PSD4: variants seen among roughly 807,000 people sequenced by gnomAD.
PSD4 encodes the protein PH and SEC7 domain-containing protein 4.
In PSD4, 59 loss-of-function variants were observed where a neutral mutation model predicts 112.5. The ratio of observed to expected loss-of-function variants is 0.52; its 90% CI spans 0.43 to 0.65. The LOEUF (loss-of-function observed/expected upper bound fraction) is 0.65. Among genes scored for constraint, PSD4 ranks in the 30% least tolerant of loss-of-function variants. The probability of loss-of-function intolerance (pLI) is 0.00; values close to 1 mark genes in which losing one functional copy is unlikely to be tolerated. For missense variants in PSD4, 1,267 were observed against 1,352.6 expected, an observed-to-expected ratio of 0.94 and a Z score of 0.99; for synonymous variants, 533 against 540.0, an observed-to-expected ratio of 0.99 and a Z score of 0.18.
At chr2:113,197,103 G>A (rs151285545) in intron 12 of PSD4, 49 of 224,258 alleles carry the variant, frequency 2.2e-4, no homozygotes, top group African/African-American at 9.7e-4. Context: ...AAGAGGGCAG[G>A]TGGTGCTCAG....
intron 1 of PSD4, among the ~76,000 whole-genome samples, chr2:113,179,100 C>T (rs1237889368): frequency 6.6e-6 from 1 of 152,196 alleles, no homozygotes; most frequent in Non-Finnish European, 1.5e-5. Flanking sequence ...CCTCCTTGCT[C>T]ACACTCGGTT....
At chr2:113,175,799 AT>A (rs1332811069) in intron 1 of PSD4, among the ~76,000 whole-genome samples, 2 of 152,298 alleles carry the variant, frequency 1.3e-5, no homozygotes, top group East Asian at 3.9e-4. Flanking sequence ...GTTTTTGTTA[AT>A]TTTGGCTTCT....
intron 1 of PSD4, among the ~76,000 whole-genome samples, chr2:113,176,729 C>T (rs1018477767): frequency 6.6e-6 from 1 of 152,224 alleles, no homozygotes; most frequent in Admixed American, 6.5e-5. Flanking sequence ...TTTTGCTAAA[C>T]ACCAGGGGTG....
intron 5 of PSD4, among the ~76,000 whole-genome samples, chr2:113,189,351 G>GTATATATATATATATATATATATATA (rs35251391): frequency 1.4e-4 from 20 of 146,118 alleles, no homozygotes; most frequent in African/African-American, 4.6e-4. Context: ...ATATATAATA[G>GTATATATATATATATATATATATATA]TATATATATA....
rs1287758001 is a variant in PSD4 at position 113,208,035 on chromosome 2, GCAC to G, written c.*6627_*6629del. The G allele has an allele frequency of 6.6e-6, 1 of 152,170 alleles. No individual in the cohort carries two copies. Among genetic ancestry groups the G allele is most frequent in the Non-Finnish European group, 1.5e-5 (1 of 68,072 alleles). 9.4% of individuals were successfully genotyped at this position (152,170 alleles called of 1,614,324 possible). The stretch of plus-strand genomic sequence containing the variant: ...CCTGAGTAGCTGGGATTACAGGCAT[GCAC>G]CACCACACCCAGCTAATCTTTGTAT... On this transcript the variant is annotated 3_prime_UTR_variant, in exon 17 of 17. Coordinates refer to ENST00000245796, the MANE Select transcript of PSD4 (RefSeq NM_012455.3).
rs766750975 is a variant in PSD4, at chr2:113,182,922, T to C, written c.466T>C (p.Phe156Leu). 16 of 1,614,200 alleles carry C rather than the reference T, an allele frequency of 9.9e-6. No individual in the cohort carries two copies. Among genetic ancestry groups the C allele is most frequent in the Non-Finnish European group, 1.4e-5 (16 of 1,180,036 alleles). Residue 156 changes from phenylalanine to leucine, a missense_variant, in exon 2 of 17, where the codon TTC becomes CTC. By Grantham distance (22) the Phe-to-Leu change is conservative. Coordinates refer to ENST00000245796, the MANE Select transcript of PSD4 (RefSeq NM_012455.3). The stretch of plus-strand genomic sequence containing the variant: ...CCGGAGCACGTCCACACAGGTAGTG[T>C]TCTGGGCAGGCATCCTGCAGGCCCA... ...QNRSTSTQVV[F>L]WAGILQAQMC...
chr2:113,175,907 A>G (rs1687961656), intron 1 of PSD4, among the ~76,000 whole-genome samples: 1 of 152,200 alleles, frequency 6.6e-6, no homozygotes, highest in African/African-American at 2.4e-5. Context: ...ACCCATTCCA[A>G]CTTTACAACA....
Position 113,186,098 on chromosome 2 carries a change from T to C in PSD4, c.1471T>C (p.Ser491Pro). 6.2e-7 allele frequency: 1 copy of C among 1,614,154 alleles called. No homozygotes were observed. The highest frequency in any genetic ancestry group is 8.5e-7 in the Non-Finnish European group (1 of 1,180,034). The change falls in exon 5 of 17, where the codon TCA (serine) becomes CCA (proline). Residue 491 changes from serine (S) to proline (P), a missense_variant. Ser to Pro is a moderately conservative substitution (Grantham distance 74). This residue lies in a region of PSD4 where 723 missense variants were observed against 704.0 expected (regional missense o/e 1.03). Coordinates refer to ENST00000245796, the MANE Select transcript of PSD4 (RefSeq NM_012455.3). ...PKWTLDASQS[S>P]LLETDGEQPS... ...GTGGACACTAGATGCTTCACAGTCT[T>C]CACTCTTGGAGACGGATGGGGAACA...
chr2:113,201,624 C>T lies in PSD4; in HGVS notation c.*209C>T. 5.8e-6 allele frequency: 4 copies of T among 695,242 alleles called. No individual in the cohort carries two copies. Among genetic ancestry groups the T allele is most frequent in the Non-Finnish European group, 9.3e-6 (4 of 428,628 alleles). 43.1% of individuals were successfully genotyped at this position (695,242 alleles called of 1,614,324 possible). A position where few individuals can be genotyped will look rare whatever the true frequency, so the allele number is the denominator to read the frequency against. ...GCTGTGCTCCCCACCACCCCCATGG[C>T]AGTCCCTCCGCAGCCCCAGTCCCTG... On this transcript the variant is annotated 3_prime_UTR_variant, in exon 17 of 17. Transcript: ENST00000245796.
chr2:113,193,685 G>A, intron 9 of PSD4, 35 bp downstream of exon 9: 1 of 1,600,872 alleles, frequency 6.2e-7, no homozygotes, highest in Non-Finnish European at 8.6e-7. Flanking sequence ...TGGGAACTGA[G>A]GCTGTAACAA....
intron 5 of PSD4, among the ~76,000 whole-genome samples, chr2:113,187,592 C>T (rs1213857863): frequency 6.6e-6 from 1 of 152,182 alleles, no homozygotes; most frequent in Non-Finnish European, 1.5e-5. Context: ...CAGAACCTCC[C>T]AGTCCAGCAC....
At chr2:113,185,668 T>G in intron 4 of PSD4, 1 of 1,547,760 alleles carries the variant, frequency 6.5e-7, no homozygotes, top group Non-Finnish European at 8.7e-7. Context: ...TTAGCAAAGG[T>G]CCTGAGCCCT....
intron 5 of PSD4, among the ~76,000 whole-genome samples, chr2:113,191,562 G>T (rs1352444199): frequency 2.6e-5 from 4 of 152,134 alleles, no homozygotes; most frequent in African/African-American, 7.2e-5. Flanking sequence ...TGAGTACTGC[G>T]CCCAGGCCCC....
In PSD4 at chr2:113,193,372, T is replaced by A; in HGVS notation, c.2032+2T>A. ...ATCCGGGGATCTTCCCCTCAGTAGGTAGGGAGGGGCTGGCCCTGACAGCAA... is the reference window on the plus strand; with the variant it reads ...ATCCGGGGATCTTCCCCTCAGTAGGAAGGGAGGGGCTGGCCCTGACAGCAA... On this transcript the variant is annotated splice_donor_variant, in intron 8 of 16. Coordinates refer to ENST00000245796, the MANE Select transcript of PSD4 (RefSeq NM_012455.3). LOFTEE classifies it high-confidence loss of function. The A allele has an allele frequency of 6.2e-7, 1 of 1,607,134 alleles. No homozygotes were observed. Among genetic ancestry groups the A allele is most frequent in the Non-Finnish European group, 8.5e-7 (1 of 1,177,582 alleles).
At chr2:113,180,486 A>G (rs1688098939) in intron 1 of PSD4, among the ~76,000 whole-genome samples, 1 of 152,032 alleles carries the variant, frequency 6.6e-6, no homozygotes, top group Admixed American at 6.5e-5. Flanking sequence ...GGAGGATCTC[A>G]GTGTGAGGTC....
At chr2:113,175,955 T>C (rs1573344474) in intron 1 of PSD4, among the ~76,000 whole-genome samples, 2 of 152,308 alleles carry the variant, frequency 1.3e-5, no homozygotes, top group South Asian at 4.2e-4. Flanking sequence ...CTTGGTTCCT[T>C]ATTTTACAGA....
chr2:113,187,780 C>G (rs906263963), intron 5 of PSD4, among the ~76,000 whole-genome samples: 10 of 152,158 alleles, frequency 6.6e-5, no homozygotes, highest in African/African-American at 2.2e-4. Context: ...AGACGAATAA[C>G]ATTAGGTTTC....
chr2:113,182,686 G>T lies in PSD4; in HGVS notation c.230G>T (p.Ser77Ile). Residue 77 changes from serine (S) to isoleucine (I), a missense_variant, in exon 2 of 17, where the codon AGC (serine) becomes ATC (isoleucine). By Grantham distance (142) the Ser-to-Ile change is moderately radical. This residue lies in a region of PSD4 where 723 missense variants were observed against 704.0 expected (regional missense o/e 1.03). Transcript: ENST00000245796. ...GGTGTGGAGCTCACACACCTGGGGA[G>T]CTGGGTCCATCAGGACGGGCTGGAG... ...GSGVELTHLG[S>I]WVHQDGLEPC... 1.2e-6 allele frequency: 2 copies of T among 1,611,872 alleles called. No individual in the cohort carries two copies. Among genetic ancestry groups the T allele is most frequent in the Non-Finnish European group, 1.7e-6 (2 of 1,178,718 alleles).
intron 5 of PSD4, among the ~76,000 whole-genome samples, chr2:113,188,643 T>C (rs981585569): frequency 6.6e-6 from 1 of 151,664 alleles, no homozygotes; most frequent in Non-Finnish European, 1.5e-5. Context: ...TGCACTGGCG[T>C]GATCTCGGCT....
Sources: allele counts gnomAD v4.1 joint callset (sites outside exome capture counted in the v4.1 genomes callset), GRCh38; gene constraint gnomAD v4.1.1; regional missense constraint gnomAD v4.1.1; transcripts MANE v1.5; gene names NCBI Gene and HGNC (gene_info 2026-07-23, HGNC 2026-07-21).